The following FAM47E variants were observed in gnomAD, a reference collection of about 807,000 sequenced individuals.
The protein encoded by FAM47E is family with sequence similarity 47 member E.
Under a neutral mutation model 41.6 loss-of-function variants are expected in FAM47E, and 32 were observed. The observed-to-expected ratio is 0.77, with a 90% CI of 0.58 to 1.03. FAM47E has a LOEUF of 1.03. Ranked by LOEUF, FAM47E falls within the 50% of genes least tolerant of loss-of-function variation. The pLI is 0.00. For missense variants in FAM47E, 424 were observed against 485.4 expected (o/e 0.87, Z 1.19); for synonymous variants, 184 against 188.7 (o/e 0.98, Z 0.20).
intron 3 of FAM47E, among the ~76,000 whole-genome samples, chr4:76,265,385 A>G (rs938730508): frequency 1.6e-4 from 24 of 152,170 alleles, no homozygotes; most frequent in African/African-American, 5.3e-4. Flanking sequence ...ACCTAAAGCC[A>G]TGTCGTCTAT....
chr4:76,233,669 G>T (rs1440026186), intron 2 of FAM47E, among the ~76,000 whole-genome samples: 1 of 151,982 alleles, frequency 6.6e-6, no homozygotes. Flanking sequence ...CCAGTCCCCG[G>T]GTGGGGTTCT....
intron 2 of FAM47E, among the ~76,000 whole-genome samples, chr4:76,232,082 C>T (rs1733502816): frequency 2.0e-5 from 3 of 152,104 alleles, no homozygotes; most frequent in African/African-American, 7.2e-5. Context: ...TTTAGAGGAA[C>T]CAGGCAGAGA....
intron 5 of FAM47E, among the ~76,000 whole-genome samples, chr4:76,276,529 T>G (rs1735124812): frequency 6.6e-6 from 1 of 152,252 alleles, no homozygotes; most frequent in South Asian, 2.1e-4. Context: ...TGCGCCACCA[T>G]GCCCAGCTAA....
chr4:76,231,663 C>T (rs4859435), intron 2 of FAM47E, among the ~76,000 whole-genome samples: 50,397 of 152,070 alleles, frequency 0.33, 9,149 homozygotes, highest in East Asian at 0.77. Context: ...GGATTGGCTT[C>T]GATGGAAGTT....
At chr4:76,237,130 CGT>C (rs1260502621) in intron 2 of FAM47E, among the ~76,000 whole-genome samples, 6 of 151,832 alleles carry the variant, frequency 4.0e-5, no homozygotes, top group Non-Finnish European at 8.8e-5. Context: ...CTCCTGACCT[CGT>C]GATCCACCCG....
intron 4 of FAM47E, among the ~76,000 whole-genome samples, chr4:76,269,807 A>G (rs1427448803): frequency 6.6e-6 from 1 of 151,208 alleles, no homozygotes; most frequent in African/African-American, 2.4e-5. Context: ...AAAATCTGAC[A>G]TAAAGAGACT....
intron 3 of FAM47E, 94 bp from the exon 4 acceptor site, chr4:76,268,566 T>G: frequency 7.7e-7 from 1 of 1,296,618 alleles, no homozygotes; most frequent in Non-Finnish European, 1.1e-6. Context: ...TAGAAATACT[T>G]GCTTTATGAT....
At chr4:76,256,630 A>C in intron 2 of FAM47E, 107 bp downstream of exon 2, 1 of 1,317,952 alleles carries the variant, frequency 7.6e-7, no homozygotes, top group Non-Finnish European at 1.0e-6. Flanking sequence ...TTATAAGAGG[A>C]GTGATGAATG....
intron 2 of FAM47E, among the ~76,000 whole-genome samples, chr4:76,228,868 T>C (rs1166193369): frequency 6.6e-6 from 1 of 152,206 alleles, no homozygotes. Context: ...GGGTGTTCTT[T>C]GAGCTTCTTG....
chr4:76,276,037 GACACACACACACACAC>G (rs796893693), intron 5 of FAM47E, among the ~76,000 whole-genome samples: 3 of 62,348 alleles, frequency 4.8e-5, no homozygotes, highest in African/African-American at 1.9e-4. Context: ...CAGACAGACA[GACACACACACACACAC>G]ACACACACAC....
intron 2 of FAM47E, among the ~76,000 whole-genome samples, chr4:76,229,573 G>A (rs558553529): frequency 2.6e-5 from 4 of 152,286 alleles, no homozygotes; most frequent in African/African-American, 7.2e-5. Context: ...CTAGGGACGT[G>A]GCTTTCTGGG....
upstream of FAM47E, among the ~76,000 whole-genome samples, chr4:76,250,213 C>T (rs575231455): frequency 6.6e-6 from 1 of 152,244 alleles, no homozygotes; most frequent in African/African-American, 2.4e-5. Context: ...CACATCCACA[C>T]CAACATCTAA....
chr4:76,266,507 T>G (rs1734642373), intron 3 of FAM47E, among the ~76,000 whole-genome samples: 1 of 152,176 alleles, frequency 6.6e-6, no homozygotes. Context: ...AATCTCACCT[T>G]CTCCACTACT....
intron 5 of FAM47E, among the ~76,000 whole-genome samples, chr4:76,274,063 A>G (rs940494017): frequency 2.0e-5 from 3 of 152,152 alleles, no homozygotes; most frequent in African/African-American, 7.2e-5. Flanking sequence ...CATCTGCATC[A>G]GTTCTGTGTC....
intron 2 of FAM47E, among the ~76,000 whole-genome samples, chr4:76,239,531 T>C (rs1490719639): frequency 6.6e-6 from 1 of 152,214 alleles, no homozygotes; most frequent in African/African-American, 2.4e-5. Context: ...GTATATCTTC[T>C]TGGAGAAATG....
intron 2 of FAM47E, among the ~76,000 whole-genome samples, chr4:76,246,068 A>G (rs1733820089): frequency 6.6e-6 from 1 of 152,196 alleles, no homozygotes; most frequent in Non-Finnish European, 1.5e-5. Context: ...CACTTAAAAC[A>G]CTATGCAGGA....
intron 7 of FAM47E, 64 bp downstream of exon 7, chr4:76,280,405 G>A: frequency 2.0e-6 from 2 of 982,398 alleles, no homozygotes; most frequent in Middle Eastern, 4.2e-4. Flanking sequence ...TTGTTGACGG[G>A]AAGAGGTTAT....
At chr4:76,278,314 A>G (rs887378190) in intron 6 of FAM47E, 90 bp downstream of exon 6, 3 of 1,326,428 alleles carry the variant, frequency 2.3e-6, no homozygotes, top group Non-Finnish European at 2.9e-6. Context: ...TCTGCGGCGT[A>G]ATACAAAGGC....
At chr4:76,227,188 A>G (rs1003143882) in intron 2 of FAM47E, among the ~76,000 whole-genome samples, 7 of 152,160 alleles carry the variant, frequency 4.6e-5, no homozygotes, top group African/African-American at 1.7e-4. Context: ...TCTTAGCACC[A>G]CTTTTGCTGT....
Sources: allele counts gnomAD v4.1 joint callset (sites outside exome capture counted in the v4.1 genomes callset), GRCh38; gene constraint gnomAD v4.1.1; transcripts MANE v1.5; gene names NCBI Gene and HGNC (gene_info 2026-07-23, HGNC 2026-07-21).